SLF1: variants seen among roughly 807,000 people sequenced by gnomAD.
SLF1 encodes SMC5-SMC6 complex localization factor protein 1.
SLF1 carries 105 observed loss-of-function variants against 123.0 expected under a neutral mutation model. The ratio of observed to expected loss-of-function variants is 0.85; its 90% CI spans 0.73 to 1.00. SLF1 has a LOEUF of 1.00. Ranked by LOEUF, SLF1 falls within the 50% of genes least tolerant of loss-of-function variation. The pLI, the probability that SLF1 is intolerant of heterozygous loss-of-function variation, is 0.00. For missense variants in SLF1, 1,239 were observed against 1,223.0 expected (o/e 1.01, Z -0.20); for synonymous variants, 434 against 406.6 (o/e 1.07, Z -0.81).
intron 20 of SLF1, 54 bp from the exon 21 acceptor site, chr5:94,694,777 A>T (rs1474368933): frequency 6.6e-7 from 1 of 1,512,496 alleles, no homozygotes; most frequent in Non-Finnish European, 8.8e-7. Context: ...AGAGCTGTTA[A>T]GCTGCCAAAA....
intron 9 of SLF1, among the ~76,000 whole-genome samples, chr5:94,660,499 T>C (rs1197881658): frequency 6.6e-6 from 1 of 152,130 alleles, no homozygotes; most frequent in Non-Finnish European, 1.5e-5. Context: ...CGGAGTAGGG[T>C]AGGCCTTTCC....
chr5:94,627,585 CATATATATATATATATATAT>C lies in SLF1; in HGVS notation c.1-1210_1-1191del, dbSNP rs58847356. Among the ~76,000 whole-genome samples, 11 of 86,846 alleles carry C rather than the reference CATATATATATATATATATAT, an allele frequency of 1.3e-4. 1 individual carries two copies. The highest frequency in any genetic ancestry group is 7.7e-4 in the South Asian group (2 of 2,586). 57.0% of individuals were successfully genotyped at this position (86,846 alleles called of 152,430 possible). ...TCTACCTTGTAAATGATGAAATTAA[CATATATATATATATATATAT>C]ATATATATATATATAGCAAAGTTAA... On this transcript the variant is annotated intron_variant, in intron 1 of 20. Coordinates refer to ENST00000265140, the MANE Select transcript of SLF1 (RefSeq NM_032290.4).
intron 1 of SLF1, among the ~76,000 whole-genome samples, chr5:94,624,466 A>G (rs1792056447): frequency 6.6e-6 from 1 of 152,196 alleles, no homozygotes. Context: ...TTTACACACT[A>G]ACTCCAGTAA....
intron 1 of SLF1, among the ~76,000 whole-genome samples, chr5:94,621,869 ATAAT>A (rs1216110975): frequency 1.4e-5 from 2 of 143,034 alleles, no homozygotes; most frequent in Admixed American, 1.4e-4. Flanking sequence ...CTTCTGTCAA[ATAAT>A]TAATATTTAT....
At chr5:94,622,565 T>C (rs537214618) in intron 1 of SLF1, among the ~76,000 whole-genome samples, 1 of 152,252 alleles carries the variant, frequency 6.6e-6, no homozygotes, top group African/African-American at 2.4e-5. Context: ...CCCTCCCCAG[T>C]GTTAACAATG....
In SLF1 at chr5:94,670,308, T is replaced by G; in HGVS notation, c.1661+29T>G. The G allele has an allele frequency of 2.8e-6, 4 of 1,419,310 alleles. No individual in the cohort carries two copies. The South Asian group carries it at 6.6e-5, about 23-fold the overall frequency. 87.9% of individuals were successfully genotyped at this position (1,419,310 alleles called of 1,614,324 possible). On this transcript the variant is annotated intron_variant, in intron 13 of 20. Transcript: ENST00000265140. ...AGTTCTAATCGCAAGAATAACACTT[T>G]TCTAAATTTTGGTTGTTTTTATGCA...
intron 9 of SLF1, among the ~76,000 whole-genome samples, chr5:94,659,903 G>A (rs1273502149): frequency 1.3e-5 from 2 of 152,128 alleles, no homozygotes; most frequent in African/African-American, 4.8e-5. Context: ...GGCAGTAGTG[G>A]TTGTGGGCCA....
chr5:94,686,686 G>T lies in SLF1; in HGVS notation c.2089G>T (p.Val697Phe). ...KKLCLQSSGS[V>F]SSEPLSLQKM... The stretch of plus-strand genomic sequence containing the variant: ...GTTGTGTCTACAGAGCTCTGGCAGT[G>T]TTTCTTCTGAGCCACTCTCTCTTCA... Residue 697 changes from valine (V) to phenylalanine (F), a missense_variant, in exon 16 of 21, where the codon GTT (valine) becomes TTT (phenylalanine). Physicochemically the swap from Val to Phe is conservative, Grantham distance 50. Coordinates refer to ENST00000265140, the MANE Select transcript of SLF1 (RefSeq NM_032290.4). 6.2e-7 allele frequency: 1 copy of T among 1,613,974 alleles called. No individual in the cohort carries two copies. Among genetic ancestry groups the T allele is most frequent in the Non-Finnish European group, 8.5e-7 (1 of 1,179,910 alleles).
chr5:94,649,733 TG>T, intron 6 of SLF1, 136 bp downstream of exon 6: 2 of 803,122 alleles, frequency 2.5e-6, no homozygotes, highest in Non-Finnish European at 3.6e-6. Context: ...GTCTGTGACT[TG>T]AACATGTTAG....
chr5:94,673,777 A>G (rs1430812957), intron 14 of SLF1, among the ~76,000 whole-genome samples: 1 of 151,388 alleles, frequency 6.6e-6, no homozygotes, highest in Non-Finnish European at 1.5e-5. Flanking sequence ...TTTAAAAAAT[A>G]CTGTTTGTTT....
At chr5:94,661,997 T>C (rs1244283194) in intron 9 of SLF1, among the ~76,000 whole-genome samples, 5 of 152,174 alleles carry the variant, frequency 3.3e-5, no homozygotes, top group Non-Finnish European at 5.9e-5. Context: ...TACAAAATGC[T>C]CTCCCCATTT....
chr5:94,639,900 T>A (rs1746253600), intron 4 of SLF1, among the ~76,000 whole-genome samples: 1 of 152,200 alleles, frequency 6.6e-6, no homozygotes, highest in East Asian at 1.9e-4. Context: ...GTAACTTTTG[T>A]GGACCTGTGT....
At chr5:94,641,748 C>A (rs1381305974) in intron 4 of SLF1, among the ~76,000 whole-genome samples, 1 of 152,170 alleles carries the variant, frequency 6.6e-6, no homozygotes, top group Non-Finnish European at 1.5e-5. Flanking sequence ...TTTTGCTAGA[C>A]AAGCTTCACC....
rs1395866136 is a variant in SLF1, at chr5:94,658,196, C to T, written c.1155+3444C>T. Among the ~76,000 whole-genome samples the T allele has an allele frequency of 4.5e-5, 6 of 133,802 alleles. No individual in the cohort carries two copies. In the East Asian group the frequency reaches 1.1e-3, roughly 24 times the overall value. 87.8% of individuals were successfully genotyped at this position (133,802 alleles called of 152,430 possible). On this transcript the variant is annotated intron_variant, in intron 9 of 20. Transcript: ENST00000265140. ...TTTTTAGTATTGGTGACATTTGGCT[C>T]TTTTCTCATTTGTATTTTTGCTTTA...
intron 6 of SLF1, among the ~76,000 whole-genome samples, chr5:94,650,244 GATA>G (rs558043617): frequency 1.1e-3 from 166 of 152,030 alleles, no homozygotes; most frequent in African/African-American, 3.9e-3. Flanking sequence ...TTATTAAGTT[GATA>G]ATTATTAGTC....
intron 3 of SLF1, chr5:94,629,797 C>T (rs923556133): frequency 2.6e-5 from 4 of 152,128 alleles, no homozygotes; most frequent in African/African-American, 9.7e-5. Context: ...TTTAACTTTA[C>T]AAATGAAAAC....
At chr5:94,630,461 A>C (rs1007522723) in intron 3 of SLF1, 42 bp from the exon 4 acceptor site, 2 of 1,519,970 alleles carry the variant, frequency 1.3e-6, no homozygotes, top group Non-Finnish European at 1.8e-6. Flanking sequence ...CATTTATCAG[A>C]ACCAAAATTC....
At chr5:94,690,092 T>G (rs1303006697) in intron 18 of SLF1, among the ~76,000 whole-genome samples, 2 of 152,194 alleles carry the variant, frequency 1.3e-5, no homozygotes, top group African/African-American at 4.8e-5. Flanking sequence ...GAAATGTGTT[T>G]GGCTTTTGGT....
chr5:94,691,404 C>A, intron 18 of SLF1, 160 bp from the exon 19 acceptor site: 1 of 223,404 alleles, frequency 4.5e-6, no homozygotes, highest in Non-Finnish European at 8.7e-6. Flanking sequence ...CCCCCCACCC[C>A]CGCCTTTTTA....
Sources: allele counts gnomAD v4.1 joint callset (sites outside exome capture counted in the v4.1 genomes callset), GRCh38; gene constraint gnomAD v4.1.1; transcripts MANE v1.5; gene names NCBI Gene and HGNC (gene_info 2026-07-23, HGNC 2026-07-21).